The following MDGA2 variants were observed in gnomAD, a reference collection of about 807,000 sequenced individuals.
MDGA2 encodes the protein MAM domain-containing glycosylphosphatidylinositol anchor protein 2.
In MDGA2, 40 loss-of-function variants were observed where a neutral mutation model predicts 117.8. The ratio of observed to expected loss-of-function variants is 0.34; its 90% confidence interval spans 0.26 to 0.44. The LOEUF (loss-of-function observed/expected upper bound fraction) is 0.44. Ranked by LOEUF, MDGA2 falls within the 20% of genes least tolerant of loss-of-function variation. MDGA2 has a pLI of 1.00. For missense variants in MDGA2, 1,123 were observed against 1,250.6 expected (o/e 0.90, Z 1.54); for synonymous variants, 452 against 439.0 (o/e 1.03, Z -0.37).
chr14:47,657,181 A>G (rs1897761260), intron 1 of MDGA2, among the ~76,000 whole-genome samples: 1 of 152,160 alleles, frequency 6.6e-6, no homozygotes, highest in South Asian at 2.1e-4. Flanking sequence ...GGCAAAGATA[A>G]GCCATTCTGA....
At chr14:47,199,890 G>A (rs554756866) in intron 3 of MDGA2, among the ~76,000 whole-genome samples, 157 of 152,134 alleles carry the variant, frequency 1.0e-3, no homozygotes, top group African/African-American at 3.7e-3. Context: ...CTGACCAATA[G>A]TAAAAAGCAT....
Position 47,675,375 on chromosome 14 carries a change from G to C in MDGA2, c.-579C>G, listed in dbSNP as rs1236561958. On this transcript the variant is annotated 5_prime_UTR_variant, in exon 1 of 17. Transcript: ENST00000399232. ...GAGGAGGAGTGGGGCTAGGGGAACG[G>C]GGGTGGGGAAGAGGGAAGGGAGGAG... Among the ~76,000 whole-genome samples, 6 of 151,990 alleles carry C rather than the reference G, an allele frequency of 3.9e-5. No homozygotes were observed. The highest frequency in any genetic ancestry group is 7.4e-5 in the Non-Finnish European group (5 of 67,992).
At chr14:47,017,827 C>G (rs575776590) in intron 8 of MDGA2, among the ~76,000 whole-genome samples, 97 of 152,150 alleles carry the variant, frequency 6.4e-4, no homozygotes, top group African/African-American at 2.2e-3. Context: ...AAACACATTG[C>G]AAGAAATGAA....
chr14:46,994,343 A>T (rs1887206235), intron 8 of MDGA2, among the ~76,000 whole-genome samples: 1 of 152,158 alleles, frequency 6.6e-6, no homozygotes, highest in African/African-American at 2.4e-5. Context: ...ATGAATTCTG[A>T]GTCCTTCTAA....
intron 1 of MDGA2, among the ~76,000 whole-genome samples, chr14:47,413,610 A>G (rs1158121161): frequency 6.6e-6 from 1 of 152,042 alleles, no homozygotes; most frequent in Non-Finnish European, 1.5e-5. Flanking sequence ...TCTATATAAC[A>G]AAAAGACTGG....
At chr14:47,651,022 A>C (rs1383487269) in intron 1 of MDGA2, among the ~76,000 whole-genome samples, 1 of 152,160 alleles carries the variant, frequency 6.6e-6, no homozygotes, top group Non-Finnish European at 1.5e-5. Flanking sequence ...TAATATTAGA[A>C]GCTTTTTGGG....
intron 15 of MDGA2, among the ~76,000 whole-genome samples, chr14:46,849,401 C>A (rs944241760): frequency 6.6e-6 from 1 of 151,794 alleles, no homozygotes; most frequent in East Asian, 1.9e-4. Flanking sequence ...ATGCTCTGAG[C>A]TCTTGACTAC....
intron 1 of MDGA2, among the ~76,000 whole-genome samples, chr14:47,651,043 G>A (rs976121106): frequency 6.6e-6 from 1 of 152,048 alleles, no homozygotes; most frequent in Non-Finnish European, 1.5e-5. Context: ...TCTTTATTTA[G>A]AAATTCAGTG....
intron 1 of MDGA2, among the ~76,000 whole-genome samples, chr14:47,659,059 T>C (rs933658073): frequency 5.9e-5 from 9 of 152,164 alleles, no homozygotes; most frequent in Non-Finnish European, 1.3e-4. Context: ...AGTCAACCTA[T>C]GACATGAACA....
At chr14:47,298,446 G>A (rs1345032260) in intron 2 of MDGA2, among the ~76,000 whole-genome samples, 2 of 152,148 alleles carry the variant, frequency 1.3e-5, no homozygotes, top group South Asian at 2.1e-4. Flanking sequence ...TAAGAAATCT[G>A]CTGATGAGTG....
chr14:46,931,569 C>T (rs953461710), intron 9 of MDGA2, among the ~76,000 whole-genome samples: 5 of 141,944 alleles, frequency 3.5e-5, no homozygotes, highest in Non-Finnish European at 7.5e-5. Context: ...GTCACCCAGG[C>T]TGGATTGCAG....
intron 1 of MDGA2, among the ~76,000 whole-genome samples, chr14:47,648,477 G>T (rs1219664692): frequency 6.6e-6 from 1 of 152,020 alleles, no homozygotes; most frequent in Non-Finnish European, 1.5e-5. Flanking sequence ...CTAGAAAGTA[G>T]CCTGCTATAT....
chr14:47,177,426 A>G (rs1213729902), intron 3 of MDGA2, among the ~76,000 whole-genome samples: 2 of 152,214 alleles, frequency 1.3e-5, no homozygotes, highest in Admixed American at 6.5e-5. Flanking sequence ...GATAGACTGG[A>G]TTAAGAAAAT....
chr14:47,327,319 T>C (rs538034689), intron 1 of MDGA2, among the ~76,000 whole-genome samples: 4 of 152,324 alleles, frequency 2.6e-5, no homozygotes, highest in East Asian at 1.9e-4. Flanking sequence ...AGAGTGAGTA[T>C]GGAAGCACCA....
rs372992540 is a variant in MDGA2, at chr14:47,614,011, CT to C, written c.280+60505del. Among the ~76,000 whole-genome samples the C allele has an allele frequency of 4.4e-3, 669 of 151,242 alleles. 5 individuals are homozygous for C. Among genetic ancestry groups the C allele is most frequent in the African/African-American group, 0.015 (634 of 41,186 alleles). On this transcript the variant is annotated intron_variant, in intron 1 of 16. Transcript: ENST00000399232. ...TAGATTATTTAGAAGTTATGATAAACTTTTCCCGGACAAAAATCAATTTTCC... is the reference window on the plus strand; with the variant it reads ...TAGATTATTTAGAAGTTATGATAAACTTTCCCGGACAAAAATCAATTTTCC...
intron 1 of MDGA2, among the ~76,000 whole-genome samples, chr14:47,423,531 T>C (rs1424595730): frequency 6.7e-6 from 1 of 148,704 alleles, no homozygotes; most frequent in Non-Finnish European, 1.5e-5. Context: ...TCTTTATTTG[T>C]ACTTAGTTTC....
intron 1 of MDGA2, among the ~76,000 whole-genome samples, chr14:47,314,375 A>AT: frequency 6.6e-6 from 1 of 152,178 alleles, no homozygotes; most frequent in Non-Finnish European, 1.5e-5. Context: ...TGTTCTCAAA[A>AT]TTTTTTTCTT....
intron 14 of MDGA2, among the ~76,000 whole-genome samples, chr14:46,860,594 G>C (rs919823179): frequency 2.0e-5 from 3 of 151,686 alleles, no homozygotes; most frequent in Admixed American, 2.0e-4. Context: ...TTCCTCTTCA[G>C]GGTAAGAAAG....
chr14:47,376,791 A>G (rs1891488572), intron 1 of MDGA2, among the ~76,000 whole-genome samples: 1 of 152,160 alleles, frequency 6.6e-6, no homozygotes. Flanking sequence ...GGGAACTAAG[A>G]CACTGTAGAA....
Sources: gnomAD v4.1 joint callset for allele counts (sites outside exome capture counted in the v4.1 genomes callset) on GRCh38, gnomAD v4.1.1 for gene constraint, MANE v1.5 for transcripts, NCBI Gene and HGNC (gene_info 2026-07-23, HGNC 2026-07-21) for gene names.